The following GLT6D1 variants were observed in gnomAD, a reference collection of about 807,000 sequenced individuals.
GLT6D1 encodes the protein putative glycosyltransferase 6 domain-containing protein 1.
GLT6D1 carries 9 observed loss-of-function variants against 12.3 expected under a neutral mutation model. That is an observed-to-expected ratio of 0.73 (90% CI 0.44 to 1.27). The LOEUF (loss-of-function observed/expected upper bound fraction) is 1.27. Among genes scored for constraint, GLT6D1 ranks in the 50% most tolerant of loss-of-function variants. The pLI, the probability that GLT6D1 is intolerant of heterozygous loss-of-function variation, is 0.00. For synonymous variants in GLT6D1, 128 were observed against 132.3 expected, an observed-to-expected ratio of 0.97 and a Z score of 0.23; for missense variants, 335 against 346.2, an observed-to-expected ratio of 0.97 and a Z score of 0.26.
intron 2 of GLT6D1, among the ~76,000 whole-genome samples, chr9:135,633,450 G>A (rs780998697): frequency 6.6e-6 from 1 of 151,626 alleles, no homozygotes; most frequent in Non-Finnish European, 1.5e-5. Flanking sequence ...TTGTATTTTA[G>A]TAGACACGGG....
chr9:135,639,354 T>C lies in GLT6D1; in HGVS notation c.-68A>G. 1 of 524,744 alleles carries C rather than the reference T, an allele frequency of 1.9e-6. No homozygotes were observed. The highest frequency in any genetic ancestry group is 3.2e-5 in the East Asian group (1 of 31,192). The allele number at this position is 524,744 out of a possible 1,614,324, so 32.5% of individuals were successfully genotyped here. ...GACAGCGACTTGAGTTAGGGAAGCCTCTGTTCTCCTTCAAGTGCCCGGGGC... is the reference window on the plus strand; with the variant it reads ...GACAGCGACTTGAGTTAGGGAAGCCCCTGTTCTCCTTCAAGTGCCCGGGGC... On this transcript the variant is annotated 5_prime_UTR_variant, in exon 1 of 5. Coordinates refer to ENST00000371763, the MANE Select transcript of GLT6D1 (RefSeq NM_182974.3).
At chr9:135,638,637 C>T (rs1012429141) in intron 2 of GLT6D1, among the ~76,000 whole-genome samples, 1 of 152,184 alleles carries the variant, frequency 6.6e-6, no homozygotes, top group African/African-American at 2.4e-5. Flanking sequence ...AGGACAGGCA[C>T]TTTCATTATC....
chr9:135,624,726 T>A, intron 4 of GLT6D1, 56 bp from the exon 5 acceptor site: 175 of 92,638 alleles, frequency 1.9e-3, no homozygotes, highest in Non-Finnish European at 2.3e-3. Flanking sequence ...TTTTCTTTCT[T>A]TTTTTTTTTT....
At chr9:135,640,253 G>T (rs1165231055), upstream of GLT6D1, among the ~76,000 whole-genome samples, 1 of 152,190 alleles carries the variant, frequency 6.6e-6, no homozygotes, top group African/African-American at 2.4e-5. Context: ...CAGTGCGAAA[G>T]AAAATAATTT....
At chr9:135,634,030 A>C (rs1319548352) in intron 2 of GLT6D1, among the ~76,000 whole-genome samples, 1 of 152,188 alleles carries the variant, frequency 6.6e-6, no homozygotes. Flanking sequence ...AGAGCATCTG[A>C]AACTCTTTAT....
intron 3 of GLT6D1, among the ~76,000 whole-genome samples, chr9:135,628,951 G>A (rs934095282): frequency 6.6e-6 from 1 of 151,856 alleles, no homozygotes; most frequent in African/African-American, 2.4e-5. Context: ...TCCCTTTTTA[G>A]CTAGGACAAT....
chr9:135,636,023 T>C (rs189808514), intron 2 of GLT6D1, among the ~76,000 whole-genome samples: 1 of 152,324 alleles, frequency 6.6e-6, no homozygotes, highest in Admixed American at 6.5e-5. Flanking sequence ...ACATGTACAG[T>C]GCTCATGTAC....
At chr9:135,636,976 CT>C (rs1321120679) in intron 2 of GLT6D1, among the ~76,000 whole-genome samples, 3 of 152,242 alleles carry the variant, frequency 2.0e-5, no homozygotes, top group African/African-American at 7.2e-5. Context: ...CCTCAGCCTC[CT>C]GAGTAGCTGG....
chr9:135,624,724 CTTTTTTTTTTTTT>C (rs72471205), intron 4 of GLT6D1, 54 bp from the exon 5 acceptor site: 193,949 of 567,572 alleles, frequency 0.34, 23,863 homozygotes, highest in Middle Eastern at 0.43. Flanking sequence ...TCTTTTCTTT[CTTTTTTTTTTTTT>C]TTTTTTTTTT....
At chr9:135,633,220 C>T (rs776712144) in intron 2 of GLT6D1, among the ~76,000 whole-genome samples, 3 of 152,044 alleles carry the variant, frequency 2.0e-5, no homozygotes, top group Admixed American at 6.6e-5. Flanking sequence ...ATATTCTCGC[C>T]GGCTGAGATG....
chr9:135,633,808 T>C (rs1833704761), intron 2 of GLT6D1, among the ~76,000 whole-genome samples: 1 of 135,372 alleles, frequency 7.4e-6, no homozygotes, highest in South Asian at 2.3e-4. Context: ...AGTTTTAAAT[T>C]TGAACAAAGA....
intron 2 of GLT6D1, among the ~76,000 whole-genome samples, chr9:135,638,629 G>T (rs1206675410): frequency 1.3e-5 from 2 of 152,068 alleles, no homozygotes; most frequent in South Asian, 2.1e-4. Context: ...GCTCCCTGAG[G>T]ACAGGCACTT....
chr9:135,630,392 G>A (rs1386197828), intron 3 of GLT6D1, among the ~76,000 whole-genome samples: 4 of 133,534 alleles, frequency 3.0e-5, no homozygotes, highest in African/African-American at 8.6e-5. Flanking sequence ...GCAACAGAGT[G>A]AGACTCTGTC....
chr9:135,633,356 TCTC>T (rs1160732039), intron 2 of GLT6D1, among the ~76,000 whole-genome samples: 4 of 152,132 alleles, frequency 2.6e-5, no homozygotes, highest in Non-Finnish European at 4.4e-5. Context: ...TTTAAGCAAT[TCTC>T]CTGCTTCAGC....
At chr9:135,639,934 C>T (rs1269099293), upstream of GLT6D1, among the ~76,000 whole-genome samples, 2 of 151,668 alleles carry the variant, frequency 1.3e-5, no homozygotes, top group African/African-American at 4.9e-5. Context: ...ACCTCCGCCT[C>T]CTGGGTTCAA....
At position 135,626,064 on chromosome 9, in the gene GLT6D1, C is replaced by G; in HGVS notation, c.257+5G>C. On this transcript the variant is annotated splice_donor_5th_base_variant and intron_variant, in intron 4 of 4. Transcript: ENST00000371763. ...TAAAAAAGGGCAAAGGTGAGTGGCACCTACCTGCCAGTAGCAAAGACGGCC... is the reference window on the plus strand; with the variant it reads ...TAAAAAAGGGCAAAGGTGAGTGGCAGCTACCTGCCAGTAGCAAAGACGGCC... 1 of 1,613,956 alleles carries G rather than the reference C, an allele frequency of 6.2e-7. No individual in the cohort carries two copies. The highest frequency in any genetic ancestry group is 8.5e-7 in the Non-Finnish European group (1 of 1,179,916).
chr9:135,624,440 T>A lies in GLT6D1; in HGVS notation c.488A>T (p.Gln163Leu). 6.2e-7 allele frequency: 1 copy of A among 1,614,172 alleles called. No individual in the cohort carries two copies. The highest frequency in any genetic ancestry group is 8.5e-7 in the Non-Finnish European group (1 of 1,180,034). The change falls in exon 5 of 5, where the codon CAG (glutamine) becomes CTG (leucine). Residue 163 changes from glutamine to leucine, a missense_variant. By Grantham distance (113) the Gln-to-Leu change is moderately radical. Coordinates refer to ENST00000371763, the MANE Select transcript of GLT6D1 (RefSeq NM_182974.3). ...GCTGAAGAGGAAGTCCACCTCGTCC[T>A]GGATGTGACTGGCGATGTGTTCACC... is the stretch of plus-strand genomic sequence containing the variant. ...SLGEHIASHI[Q>L]DEVDFLFSMA... is the part of the protein sequence containing the mutation.
intron 3 of GLT6D1, among the ~76,000 whole-genome samples, chr9:135,629,356 G>C (rs1833586472): frequency 6.6e-6 from 1 of 151,898 alleles, no homozygotes; most frequent in African/African-American, 2.4e-5. Context: ...AATTTCCCTT[G>C]TGATTCTTTT....
chr9:135,626,301 G>C (rs1269124142), intron 3 of GLT6D1, 95 bp from the exon 4 acceptor site: 1 of 1,338,782 alleles, frequency 7.5e-7, no homozygotes, highest in Non-Finnish European at 1.0e-6. Context: ...AGAGCACCTA[G>C]TGCGCGCCCA....
Sources: allele counts gnomAD v4.1 joint callset (sites outside exome capture counted in the v4.1 genomes callset), GRCh38; gene constraint gnomAD v4.1.1; transcripts MANE v1.5; gene names NCBI Gene and HGNC (gene_info 2026-07-23, HGNC 2026-07-21).